WEE1: variants seen among roughly 807,000 people sequenced by gnomAD.
WEE1 encodes wee1-like protein kinase.
A neutral mutation model predicts 68.8 loss-of-function variants in WEE1; 16 were observed. The ratio of observed to expected loss-of-function variants is 0.23; its 90% CI spans 0.16 to 0.35. The LOEUF is 0.35. Among genes scored for constraint, WEE1 ranks in the 10% least tolerant of loss-of-function variants. WEE1 has a pLI of 1.00. For synonymous variants in WEE1, 349 were observed against 318.7 expected, an observed-to-expected ratio of 1.09 and a Z score of -1.01; for missense variants, 651 against 824.1, an observed-to-expected ratio of 0.79 and a Z score of 2.57.
Position 9,581,517 on chromosome 11 carries a change from TTCTA to T in WEE1, c.1142-11_1142-8del, listed in dbSNP as rs1189034139. 1 of 1,581,032 alleles carries T rather than the reference TTCTA, an allele frequency of 6.3e-7. No individual in the cohort carries two copies. Among genetic ancestry groups the T allele is most frequent in the African/African-American group, 1.4e-5 (1 of 72,854 alleles). ...TCAGAAAGAAGAAAATGCTAATATT[TTCTA>T]TCTTTGTTAGGTGGAAGTTTAGCTG... On this transcript the variant is annotated splice_polypyrimidine_tract_variant and intron_variant, in intron 5 of 10. Transcript: ENST00000450114.
intron 6 of WEE1, among the ~76,000 whole-genome samples, chr11:9,583,756 CGCGCG>C: frequency 1.7e-4 from 1 of 6,018 alleles, no homozygotes; most frequent in African/African-American, 4.3e-4. Context: ...TGCGTGCACG[CGCGCG>C]CACACACACA....
chr11:9,582,627 C>T (rs1849640414), intron 6 of WEE1, among the ~76,000 whole-genome samples: 1 of 152,104 alleles, frequency 6.6e-6, no homozygotes, highest in East Asian at 1.9e-4. Flanking sequence ...AGTGCAGTGG[C>T]ACAGTCTCAG....
In WEE1 at chr11:9,574,151, C is replaced by A; in HGVS notation, c.218C>A (p.Pro73His). The A allele has an allele frequency of 8.4e-7, 1 of 1,191,966 alleles. No individual in the cohort carries two copies. Among genetic ancestry groups the A allele is most frequent in the Non-Finnish European group, 1.0e-6 (1 of 963,270 alleles). The allele number at this position is 1,191,966 out of a possible 1,614,324, so 73.8% of individuals were successfully genotyped here. A position where few individuals can be genotyped will look rare whatever the true frequency, so the allele number is the denominator to read the frequency against. The change falls in exon 1 of 11, where the codon CCC becomes CAC. Residue 73 changes from proline (P) to histidine (H), a missense_variant. Coordinates refer to ENST00000450114, the MANE Select transcript of WEE1 (RefSeq NM_003390.4). This position sits in a 1 kb window ranked among gnomAD's most constrained non-coding sequence, Gnocchi z 4.9. ...PPARSPTEPG[P>H]ERRRSPGPAP... The stretch of plus-strand genomic sequence containing the variant: ...GCGCGGAGCCCCACGGAGCCCGGGC[C>A]CGAGCGCCGCCGCTCGCCCGGGCCG...
In WEE1 at chr11:9,574,292, G is replaced by A; in HGVS notation, c.359G>A (p.Gly120Asp). ...EGDSWEEEGF[G>D]SSSPVKSPAA... ...GACTCGTGGGAGGAGGAGGGCTTCG[G>A]CTCCTCGTCGCCGGTCAAGTCGCCG... Residue 120 changes from glycine (G) to aspartate (D), a missense_variant, in exon 1 of 11, where the codon GGC becomes GAC. Gly to Asp is a moderately conservative substitution (Grantham distance 94, BLOSUM62 -1). Transcript: ENST00000450114. The surrounding 1 kb of genome is among the most constrained non-coding windows in gnomAD (Gnocchi z 4.9). 1.6e-6 allele frequency: 2 copies of A among 1,258,286 alleles called. No individual in the cohort carries two copies. Among genetic ancestry groups the A allele is most frequent in the Middle Eastern group, 2.4e-4 (1 of 4,134 alleles). The allele number at this position is 1,258,286 out of a possible 1,614,324, so 77.9% of individuals were successfully genotyped here. A position where few individuals can be genotyped will look rare whatever the true frequency, so the allele number is the denominator to read the frequency against.
At position 9,574,573 on chromosome 11, in the gene WEE1, T is replaced by C. The variant is rs1849542691; in HGVS notation, c.576+64T>C. On this transcript the variant is annotated intron_variant, in intron 1 of 10. Transcript: ENST00000450114. This position sits in a 1 kb window ranked among gnomAD's most constrained non-coding sequence, Gnocchi z 4.9. ...GCGGCGCCGGAGGGGCCAGCGCCGCTGCCTGGGTTCGGTTACAGAAGCGGC... is the reference window on the plus strand; with the variant it reads ...GCGGCGCCGGAGGGGCCAGCGCCGCCGCCTGGGTTCGGTTACAGAAGCGGC... 1 of 1,148,928 alleles carries C rather than the reference T, an allele frequency of 8.7e-7. No homozygotes were observed. Among genetic ancestry groups the C allele is most frequent in the Non-Finnish European group, 1.1e-6 (1 of 936,710 alleles). The allele number at this position is 1,148,928 out of a possible 1,614,324, so 71.2% of individuals were successfully genotyped here.
rs1250819212 is a variant in WEE1, at chr11:9,576,154, AT to A, written c.782+62del. On this transcript the variant is annotated intron_variant, in intron 2 of 10. Transcript: ENST00000450114. This position sits in a 1 kb window ranked among gnomAD's most constrained non-coding sequence, Gnocchi z 4.3. ...AACCTAAGATTGGTTTGGTATACTT[AT>A]CAAAATTTAGTTCCTATTTAATGGC... The A allele has an allele frequency of 1.9e-6, 3 of 1,607,070 alleles. No homozygotes were observed. Among genetic ancestry groups the A allele is most frequent in the Admixed American group, 3.4e-5 (2 of 59,146 alleles).
chr11:9,574,046 A>T lies in WEE1; in HGVS notation c.113A>T (p.Glu38Val). ...SPCSDCEEEEEEEEEEGSGHS... is the reference protein window; with the variant it reads ...SPCSDCEEEEVEEEEEGSGHS... ...TGCAGCGACTGTGAGGAGGAGGAAG[A>T]AGAGGAGGAGGAGGAGGGCAGCGGC... Residue 38 changes from glutamate to valine, a missense_variant, in exon 1 of 11, where the codon GAA (glutamate) becomes GTA (valine). Physicochemically the swap from Glu to Val is moderately radical, Grantham distance 121 (BLOSUM62 -2). Around this residue, in one of 5 missense-constraint regions of WEE1, gnomAD observed 395 missense variants for 378.4 expected, o/e 1.04. Coordinates refer to ENST00000450114, the MANE Select transcript of WEE1 (RefSeq NM_003390.4). This position sits in a 1 kb window ranked among gnomAD's most constrained non-coding sequence, Gnocchi z 4.9. 7.9e-7 allele frequency: 1 copy of T among 1,260,610 alleles called. No homozygotes were observed. Among genetic ancestry groups the T allele is most frequent in the Non-Finnish European group, 1.0e-6 (1 of 1,002,590 alleles). The allele number at this position is 1,260,610 out of a possible 1,614,324, so 78.1% of individuals were successfully genotyped here.
Position 9,588,811 on chromosome 11 carries a change from A to G in WEE1, c.*209A>G, listed in dbSNP as rs779089246. On this transcript the variant is annotated 3_prime_UTR_variant, in exon 11 of 11. Transcript: ENST00000450114. ...ATCTTACCAGTCTGTCTTCTGTAGG[A>G]TGTGTCACTGTTGGATGTTACACCA... 8.6e-6 allele frequency: 10 copies of G among 1,164,378 alleles called. No individual in the cohort carries two copies. The highest frequency in any genetic ancestry group is 3.4e-4 in the Middle Eastern group (1 of 2,942). 72.1% of individuals were successfully genotyped at this position (1,164,378 alleles called of 1,614,324 possible).
intron 6 of WEE1, among the ~76,000 whole-genome samples, chr11:9,584,348 C>T (rs1849677790): frequency 6.6e-6 from 1 of 151,934 alleles, no homozygotes; most frequent in Admixed American, 6.6e-5. Context: ...GTCTCACTAT[C>T]TTGCCCAGGC....
rs1348937577 is a variant in WEE1 at position 9,576,292 on chromosome 11, A to G, written c.845A>G (p.Lys282Arg). Residue 282 changes from lysine (K) to arginine (R), a missense_variant and splice_region_variant, in exon 3 of 11, where the codon AAG becomes AGG. Coordinates refer to ENST00000450114, the MANE Select transcript of WEE1 (RefSeq NM_003390.4). This position sits in a 1 kb window ranked among gnomAD's most constrained non-coding sequence, Gnocchi z 4.3. ...CTTGAAGATGAAACAAGACCTGCTA[A>G]GGTAAATAGCTTTTTATTTTTATTT... ...YELEDETRPA[K>R]RITITESNMK... The G allele has an allele frequency of 6.5e-7, 1 of 1,527,508 alleles. No individual in the cohort carries two copies. 94.6% of individuals were successfully genotyped at this position (1,527,508 alleles called of 1,614,324 possible).
Position 9,574,457 on chromosome 11 carries a change from C to T in WEE1, c.524C>T (p.Pro175Leu). 2 of 1,244,422 alleles carry T rather than the reference C, an allele frequency of 1.6e-6. No individual in the cohort carries two copies. The highest frequency in any genetic ancestry group is 2.0e-6 in the Non-Finnish European group (2 of 996,554). 77.1% of individuals were successfully genotyped at this position (1,244,422 alleles called of 1,614,324 possible). A position where few individuals can be genotyped will look rare whatever the true frequency, so the allele number is the denominator to read the frequency against. Reference sequence around the variant, plus strand: ...CGGCCGGACCACCCGGGCACCCCGCCACACAAGACCTTCCGCAAGCTGCGA... The same window carrying T: ...CGGCCGGACCACCCGGGCACCCCGCTACACAAGACCTTCCGCAAGCTGCGA... ...SPRPDHPGTP[P>L]HKTFRKLRLF... Residue 175 changes from proline to leucine, a missense_variant, in exon 1 of 11, where the codon CCA becomes CTA. By Grantham distance (98) the Pro-to-Leu change is moderately conservative. Around this residue, in one of 5 missense-constraint regions of WEE1, gnomAD observed 395 missense variants for 378.4 expected, o/e 1.04. Coordinates refer to ENST00000450114, the MANE Select transcript of WEE1 (RefSeq NM_003390.4). This position sits in a 1 kb window ranked among gnomAD's most constrained non-coding sequence, Gnocchi z 4.9.
In WEE1 at chr11:9,588,733, G is replaced by T; in HGVS notation, c.*131G>T. 1 of 1,352,306 alleles carries T rather than the reference G, an allele frequency of 7.4e-7. No individual in the cohort carries two copies. The highest frequency in any genetic ancestry group is 9.5e-7 in the Non-Finnish European group (1 of 1,050,906). 83.8% of individuals were successfully genotyped at this position (1,352,306 alleles called of 1,614,324 possible). A position where few individuals can be genotyped will look rare whatever the true frequency, so the allele number is the denominator to read the frequency against. ...TTTTACTGATTAGGACTTTTATTGT[G>T]AATTACAGTTGAAAGCTGTATTTTG... On this transcript the variant is annotated 3_prime_UTR_variant, in exon 11 of 11. Coordinates refer to ENST00000450114, the MANE Select transcript of WEE1 (RefSeq NM_003390.4).
chr11:9,583,796 CACACACATATATATATATAT>C (rs1304747944), intron 6 of WEE1, among the ~76,000 whole-genome samples: 310 of 25,858 alleles, frequency 0.012, no homozygotes, highest in African/African-American at 0.034. Flanking sequence ...CACACACACA[CACACACATATATATATATAT>C]ATATATATAT....
rs780245459 is a variant in WEE1, at chr11:9,585,297, C to T, written c.1328C>T (p.Ala443Val). The T allele has an allele frequency of 9.3e-6, 15 of 1,614,034 alleles. No homozygotes were observed. The South Asian group carries it at 1.4e-4, about 15-fold the overall frequency. ...TCTCGAACCTCAATCCCAAATGCTG[C>T]CTCTGAAGAAGGAGACGAAGATGAT... ...FISRTSIPNA[A>V]SEEGDEDDWA... The change falls in exon 7 of 11, where the codon GCC becomes GTC. Residue 443 changes from alanine to valine, a missense_variant. Coordinates refer to ENST00000450114, the MANE Select transcript of WEE1 (RefSeq NM_003390.4).
rs1445835235 is a variant in WEE1, at chr11:9,583,759, GCGCACACACACACACACACACA to G, written c.1289-1497_1289-1476del. 1.5e-3 allele frequency among the ~76,000 whole-genome samples: 62 copies of G among 41,622 alleles called. 1 individual carries two copies. In the East Asian group the frequency reaches 0.021, roughly 14 times the overall value. The allele number at this position is 41,622 out of a possible 152,430, so 27.3% of individuals were successfully genotyped here. ...TGTGCGTGTGTGTGCGTGCACGCGCGCGCACACACACACACACACACACACACACACACACACACACACATAT... is the reference window on the plus strand; with the variant it reads ...TGTGCGTGTGTGTGCGTGCACGCGCGCACACACACACACACACACACATAT... On this transcript the variant is annotated intron_variant, in intron 6 of 10. Coordinates refer to ENST00000450114, the MANE Select transcript of WEE1 (RefSeq NM_003390.4).
chr11:9,577,495 A>G (rs141080634), intron 5 of WEE1: 7 of 468,510 alleles, frequency 1.5e-5, no homozygotes, highest in African/African-American at 5.9e-5. Context: ...TGTCGCTCCA[A>G]CTGAGCTTTT....
chr11:9,574,290 C>T lies in WEE1; in HGVS notation c.357C>T (p.Phe119=), dbSNP rs574152454. Reference sequence around the variant, plus strand: ...GCGACTCGTGGGAGGAGGAGGGCTTCGGCTCCTCGTCGCCGGTCAAGTCGC... The same window carrying T: ...GCGACTCGTGGGAGGAGGAGGGCTTTGGCTCCTCGTCGCCGGTCAAGTCGC... ...AEGDSWEEEG[F]GSSSPVKSPA... Residue 119 remains phenylalanine (F), a synonymous_variant, in exon 1 of 11, where the codon TTC becomes TTT. Transcript: ENST00000450114. The surrounding 1 kb of genome is among the most constrained non-coding windows in gnomAD (Gnocchi z 4.9). 1.6e-6 allele frequency: 2 copies of T among 1,256,820 alleles called. No homozygotes were observed. Among genetic ancestry groups the T allele is most frequent in the African/African-American group, 1.6e-5 (1 of 63,904 alleles). 77.9% of individuals were successfully genotyped at this position (1,256,820 alleles called of 1,614,324 possible).
intron 6 of WEE1, among the ~76,000 whole-genome samples, chr11:9,582,300 G>A (rs1156286891): frequency 6.6e-6 from 1 of 152,072 alleles, no homozygotes; most frequent in Admixed American, 6.6e-5. Context: ...CACTTATCTT[G>A]CAAGCTATCC....
In WEE1 at chr11:9,574,310, A is replaced by T; in HGVS notation, c.377A>T (p.Lys126Met). The T allele has an allele frequency of 7.9e-7, 1 of 1,268,726 alleles. No homozygotes were observed. The highest frequency in any genetic ancestry group is 9.9e-7 in the Non-Finnish European group (1 of 1,005,854). The allele number at this position is 1,268,726 out of a possible 1,614,324, so 78.6% of individuals were successfully genotyped here. A position where few individuals can be genotyped will look rare whatever the true frequency, so the allele number is the denominator to read the frequency against. The change falls in exon 1 of 11, where the codon AAG becomes ATG. Residue 126 changes from lysine (K) to methionine (M), a missense_variant. Physicochemically the swap from Lys to Met is moderately conservative, Grantham distance 95. Transcript: ENST00000450114. The surrounding 1 kb of genome is among the most constrained non-coding windows in gnomAD (Gnocchi z 4.9). Reference protein sequence around the residue: ...EEGFGSSSPVKSPAAPYFLGS... With the variant: ...EEGFGSSSPVMSPAAPYFLGS... ...GGCTTCGGCTCCTCGTCGCCGGTCA[A>T]GTCGCCGGCGGCCCCCTACTTCCTG... is the stretch of plus-strand genomic sequence containing the variant.
Sources: allele counts gnomAD v4.1 joint callset (sites outside exome capture counted in the v4.1 genomes callset), GRCh38; gene constraint gnomAD v4.1.1; regional missense constraint gnomAD v4.1.1; non-coding constraint Gnocchi (gnomAD v3.1); transcripts MANE v1.5; gene names NCBI Gene and HGNC (gene_info 2026-07-23, HGNC 2026-07-21).